Variants in PCNX2 observed in about 807,000 individuals in gnomAD.
PCNX2 encodes pecanex-like protein 2.
In PCNX2, 168 loss-of-function variants were observed where a neutral mutation model predicts 223.8. That is an observed-to-expected ratio of 0.75 (90% confidence interval 0.66 to 0.85). The LOEUF is 0.85. PCNX2 is among the 40% of genes least tolerant of loss of function. The probability of loss-of-function intolerance (pLI) is 0.00; values close to 1 mark genes in which losing one functional copy is unlikely to be tolerated. For missense variants in PCNX2, 2,507 were observed against 2,675.5 expected (o/e 0.94, Z 1.39); for synonymous variants, 1,006 against 1,052.6 (o/e 0.96, Z 0.86).
intron 23 of PCNX2, among the ~76,000 whole-genome samples, chr1:233,069,653 C>CA (rs144585577): frequency 0.092 from 13,538 of 147,914 alleles, 737 homozygotes; most frequent in African/African-American, 0.16. Flanking sequence ...GAAACACACA[C>CA]AAAAAAAAGA....
intron 23 of PCNX2, among the ~76,000 whole-genome samples, chr1:233,071,818 A>T (rs1391828699): frequency 6.6e-6 from 1 of 152,096 alleles, no homozygotes; most frequent in Non-Finnish European, 1.5e-5. Flanking sequence ...TTATTCTTTG[A>T]CTTTTTAGTA....
At chr1:233,017,418 C>T (rs896273983) in intron 26 of PCNX2, among the ~76,000 whole-genome samples, 10 of 149,912 alleles carry the variant, frequency 6.7e-5, no homozygotes, top group East Asian at 2.0e-4. Context: ...CCCAGGTTCA[C>T]GCCATTCTCC....
chr1:233,095,808 T>C lies in PCNX2; in HGVS notation c.3893A>G (p.Gln1298Arg). 1 of 1,612,958 alleles carries C rather than the reference T, an allele frequency of 6.2e-7. No homozygotes were observed. Among genetic ancestry groups the C allele is most frequent in the Non-Finnish European group, 8.5e-7 (1 of 1,179,494 alleles). ...QFVLTYVAPWQMAWGSSFHVF... is the reference protein window; with the variant it reads ...QFVLTYVAPWRMAWGSSFHVF... ...GTGAAACGAAGAACCCCAAGCCATC[T>C]GCCAAGGAGCCACATATGTCAGGAC... The change falls in exon 22 of 34, where the codon CAG (glutamine) becomes CGG (arginine). Residue 1298 changes from glutamine (Q) to arginine (R), a missense_variant. Transcript: ENST00000258229.
intron 28 of PCNX2, among the ~76,000 whole-genome samples, chr1:233,003,677 A>G (rs1012207222): frequency 6.6e-6 from 1 of 152,218 alleles, no homozygotes; most frequent in African/African-American, 2.4e-5. Context: ...ATTATAAATC[A>G]TTCCACTATA....
chr1:233,251,092 A>G (rs1179525601), intron 7 of PCNX2, among the ~76,000 whole-genome samples: 1 of 152,196 alleles, frequency 6.6e-6, no homozygotes, highest in African/African-American at 2.4e-5. Context: ...TGACTTGGTT[A>G]CTTATTATTT....
intron 10 of PCNX2, among the ~76,000 whole-genome samples, chr1:233,219,045 C>T (rs1657206637): frequency 6.6e-6 from 1 of 152,198 alleles, no homozygotes; most frequent in South Asian, 2.1e-4. Context: ...CGGGTCCACA[C>T]TGTCTCACTG....
At chr1:233,095,405 A>G (rs567616897) in intron 22 of PCNX2, 1 of 241,038 alleles carries the variant, frequency 4.1e-6, no homozygotes, top group East Asian at 9.4e-5. Flanking sequence ...CCTATCCACA[A>G]TGCTTAATAA....
At position 233,164,207 on chromosome 1, in the gene PCNX2, T is replaced by C. The variant is rs115335491; in HGVS notation, c.3274-2844A>G. 8.7e-3 allele frequency among the ~76,000 whole-genome samples: 1,331 copies of C among 152,288 alleles called. 24 individuals carry two copies. Among genetic ancestry groups the C allele is most frequent in the African/African-American group, 0.031 (1,275 of 41,568 alleles). On this transcript the variant is annotated intron_variant, in intron 17 of 33. Coordinates refer to ENST00000258229, the MANE Select transcript of PCNX2 (RefSeq NM_014801.4). ...AAAAAATATTTTAAAATGTGCAACG[T>C]CACTAATCATCAGGAAAATGCAAAT...
At chr1:233,038,783 T>A (rs1671544617) in intron 25 of PCNX2, among the ~76,000 whole-genome samples, 1 of 152,208 alleles carries the variant, frequency 6.6e-6, no homozygotes, top group Non-Finnish European at 1.5e-5. Context: ...AAGGTTTGGG[T>A]TGGATTTGCT....
At chr1:233,120,164 C>CAAAAAAAAAAAAAAA (rs1228898502) in intron 21 of PCNX2, among the ~76,000 whole-genome samples, 1 of 42,646 alleles carries the variant, frequency 2.3e-5, no homozygotes, top group Non-Finnish European at 4.5e-5. Context: ...GACTCCATTT[C>CAAAAAAAAAAAAAAA]AAAAAAAAAA....
chr1:232,993,917 T>A (rs1669790422), intron 32 of PCNX2, among the ~76,000 whole-genome samples: 1 of 152,222 alleles, frequency 6.6e-6, no homozygotes, highest in African/African-American at 2.4e-5. Flanking sequence ...CCTAAGAGTG[T>A]GCAGAAGACA....
intron 23 of PCNX2, among the ~76,000 whole-genome samples, chr1:233,074,941 G>A (rs1184574662): frequency 6.6e-6 from 1 of 152,108 alleles, no homozygotes; most frequent in Non-Finnish European, 1.5e-5. Flanking sequence ...CCAAAGATAT[G>A]AAGAAACTTG....
At chr1:233,122,073 T>TACACACACACACACACACACAC (rs3033285) in intron 21 of PCNX2, among the ~76,000 whole-genome samples, 1 of 131,406 alleles carries the variant, frequency 7.6e-6, no homozygotes, top group Non-Finnish European at 1.7e-5. Flanking sequence ...AGTTAGAAAG[T>TACACACACACACACACACACAC]ACACACACAC....
chr1:233,295,494 G>GGGCTGGTGAGCGCCCCGC lies in PCNX2; in HGVS notation c.-34_-17dup. ...GGGACACCATGCCGGCTGCGCCCCG[G>GGGCTGGTGAGCGCCCCGC]GGCTGGTGAGCGCCCCGCTGCACCC... On this transcript the variant is annotated 5_prime_UTR_variant, in exon 1 of 34. Transcript: ENST00000258229. The surrounding 1 kb of genome is among the most constrained non-coding windows in gnomAD (Gnocchi z 4.1). 3.9e-6 allele frequency: 6 copies of GGGCTGGTGAGCGCCCCGC among 1,543,400 alleles called. No individual in the cohort carries two copies. The highest frequency in any genetic ancestry group is 4.4e-6 in the Non-Finnish European group (5 of 1,143,748).
At chr1:233,165,050 TAAATA>T (rs1678712009) in intron 17 of PCNX2, among the ~76,000 whole-genome samples, 2 of 152,206 alleles carry the variant, frequency 1.3e-5, no homozygotes, top group African/African-American at 4.8e-5. Flanking sequence ...AAAGAAATGA[TAAATA>T]AGTGAGGTGA....
intron 23 of PCNX2, among the ~76,000 whole-genome samples, chr1:233,067,542 C>G (rs1277872029): frequency 9.2e-5 from 14 of 151,988 alleles, no homozygotes; most frequent in Admixed American, 8.5e-4. Context: ...GGCACCATCT[C>G]AGCTCATTGC....
chr1:233,225,662 A>AT (rs910760329), intron 10 of PCNX2, among the ~76,000 whole-genome samples: 7 of 152,202 alleles, frequency 4.6e-5, no homozygotes, highest in Non-Finnish European at 7.3e-5. Flanking sequence ...TTTCCAATTA[A>AT]TTTTTTGTCA....
Position 233,000,265 on chromosome 1 carries a change from C to T in PCNX2, c.5328+40G>A, listed in dbSNP as rs375547610. 1 of 1,578,580 alleles carries T rather than the reference C, an allele frequency of 6.3e-7. No homozygotes were observed. The highest frequency in any genetic ancestry group is 2.2e-5 in the East Asian group (1 of 44,712). ...TTCTATTTCTTCTCAGATAGAGAGA[C>T]ACGAGCCAACAGGGGACCCAGAAAG... On this transcript the variant is annotated intron_variant, in intron 30 of 33. Coordinates refer to ENST00000258229, the MANE Select transcript of PCNX2 (RefSeq NM_014801.4). The surrounding 1 kb of genome is among the most constrained non-coding windows in gnomAD (Gnocchi z 4.6).
rs748129881 is a variant in PCNX2, at chr1:233,000,533, G to A, written c.5100C>T (p.Asp1700=). 7.6e-6 allele frequency: 12 copies of A among 1,584,020 alleles called. No individual in the cohort carries two copies. Among genetic ancestry groups the A allele is most frequent in the Non-Finnish European group, 1.0e-5 (12 of 1,169,426 alleles). The change falls in exon 30 of 34, where the codon GAC becomes GAT. Residue 1700 remains aspartate, a splice_region_variant and synonymous_variant. Transcript: ENST00000258229. The surrounding 1 kb of genome is among the most constrained non-coding windows in gnomAD (Gnocchi z 4.6). ...CATACTCGTCAGGGCAAGTGAACTG[G>A]TCCTGGTGGGAAGAAGTGTGGGTGT... is the stretch of plus-strand genomic sequence containing the variant. ...AIRMSLKLHQ[D]QFTCPDEYED...
Sources: allele counts gnomAD v4.1 joint callset (sites outside exome capture counted in the v4.1 genomes callset), GRCh38; gene constraint gnomAD v4.1.1; non-coding constraint Gnocchi (gnomAD v3.1); transcripts MANE v1.5; gene names NCBI Gene and HGNC (gene_info 2026-07-23, HGNC 2026-07-21).